The following LRRC4C variants were observed in gnomAD, a reference collection of about 807,000 sequenced individuals.
LRRC4C encodes the protein leucine-rich repeat-containing protein 4C.
LRRC4C carries 5 observed loss-of-function variants against 33.6 expected under a neutral mutation model. The ratio of observed to expected loss-of-function variants is 0.15; its 90% CI spans 0.08 to 0.31. LRRC4C has a LOEUF of 0.31. Ranked by LOEUF, LRRC4C falls within the 10% of genes least tolerant of loss-of-function variation. The pLI, the probability that LRRC4C is intolerant of heterozygous loss-of-function variation, is 1.00. For missense variants in LRRC4C, 560 were observed against 796.7 expected (o/e 0.70, Z 3.58); for synonymous variants, 329 against 302.0 (o/e 1.09, Z -0.93).
In LRRC4C at chr11:40,762,457, G is replaced by C. The variant is rs184481181; in HGVS notation, c.-406-114179C>G. ...TAATCCATTGTGTTATATTAATTTA[G>C]AGCACCTAGTGTGATAGCCATGATG... On this transcript the variant is annotated intron_variant, in intron 2 of 6. Coordinates refer to ENST00000528697, the MANE Select transcript of LRRC4C (RefSeq NM_001258419.2). 2.0e-5 allele frequency among the ~76,000 whole-genome samples: 3 copies of C among 152,170 alleles called. No homozygotes were observed. In the East Asian group the frequency reaches 5.8e-4, roughly 30 times the overall value.
intron 1 of LRRC4C, among the ~76,000 whole-genome samples, chr11:41,400,446 T>C (rs1281073001): frequency 6.6e-6 from 1 of 151,888 alleles, no homozygotes; most frequent in Non-Finnish European, 1.5e-5. Context: ...AACACAATTT[T>C]TAGAACAATT....
Position 40,151,355 on chromosome 11 carries a change from C to G in LRRC4C, c.-95-10502G>C, listed in dbSNP as rs970775682. Among the ~76,000 whole-genome samples the G allele has an allele frequency of 6.6e-5, 10 of 152,202 alleles. No homozygotes were observed. The East Asian group carries it at 1.7e-3, about 27-fold the overall frequency. ...AACACAAGTAACAAAGATTCAGAGCCCAATTATACAGCAATTCTTATCCCA... is the reference window on the plus strand; with the variant it reads ...AACACAAGTAACAAAGATTCAGAGCGCAATTATACAGCAATTCTTATCCCA... On this transcript the variant is annotated intron_variant, in intron 5 of 6. Coordinates refer to ENST00000528697, the MANE Select transcript of LRRC4C (RefSeq NM_001258419.2).
intron 5 of LRRC4C, among the ~76,000 whole-genome samples, chr11:40,163,861 G>T (rs995048654): frequency 6.6e-6 from 1 of 151,666 alleles, no homozygotes; most frequent in Non-Finnish European, 1.5e-5. Flanking sequence ...TTTTGCTTTT[G>T]CAAAAAATTG....
intron 1 of LRRC4C, among the ~76,000 whole-genome samples, chr11:41,411,163 T>TTTTTTTTTTTTTTTTTC (rs1954470032): frequency 1.0e-5 from 1 of 95,872 alleles, no homozygotes; most frequent in African/African-American, 3.6e-5. Flanking sequence ...TTTTTTTTTT[T>TTTTTTTTTTTTTTTTTC]TTTGAGATGG....
intron 1 of LRRC4C, among the ~76,000 whole-genome samples, chr11:40,944,357 C>T (rs1592150910): frequency 6.6e-6 from 1 of 152,156 alleles, no homozygotes. Context: ...TTTCTGACCT[C>T]TCCAGTGTAG....
At chr11:40,829,588 C>CTAT (rs1461304128) in intron 2 of LRRC4C, among the ~76,000 whole-genome samples, 5 of 151,998 alleles carry the variant, frequency 3.3e-5, no homozygotes, top group Admixed American at 6.6e-5. Context: ...AATTTAAAGG[C>CTAT]TATTCATTTT....
At chr11:40,497,910 A>G (rs1048177073) in intron 3 of LRRC4C, among the ~76,000 whole-genome samples, 3 of 152,230 alleles carry the variant, frequency 2.0e-5, no homozygotes, top group African/African-American at 7.2e-5. Flanking sequence ...TCTCTAAAAA[A>G]TAAATTTTGC....
At chr11:40,733,139 G>A (rs1467053990) in intron 2 of LRRC4C, among the ~76,000 whole-genome samples, 4 of 123,102 alleles carry the variant, frequency 3.2e-5, no homozygotes, top group Non-Finnish European at 6.3e-5. Flanking sequence ...AGCGTGGCGA[G>A]ATCTCGGCTC....
chr11:41,190,161 T>C (rs1420299487), intron 1 of LRRC4C, among the ~76,000 whole-genome samples: 2 of 152,204 alleles, frequency 1.3e-5, no homozygotes, highest in Admixed American at 6.5e-5. Context: ...CTAGCTTTTT[T>C]TTTCTGTAGA....
chr11:41,303,341 G>A (rs1489223015), intron 1 of LRRC4C, among the ~76,000 whole-genome samples: 2 of 116,686 alleles, frequency 1.7e-5, no homozygotes, highest in East Asian at 2.6e-4. Context: ...TGCCAACCTC[G>A]GCCTCCCGAG....
At chr11:41,268,380 T>C (rs921650415) in intron 1 of LRRC4C, among the ~76,000 whole-genome samples, 12 of 152,064 alleles carry the variant, frequency 7.9e-5, no homozygotes, top group African/African-American at 2.2e-4. Context: ...TACTGACCCA[T>C]AGAAATTGTG....
intron 1 of LRRC4C, among the ~76,000 whole-genome samples, chr11:41,135,387 G>T (rs1943213310): frequency 6.6e-6 from 1 of 152,070 alleles, no homozygotes; most frequent in Non-Finnish European, 1.5e-5. Context: ...AAAAAGACAG[G>T]CATTTGGGAG....
At chr11:41,015,852 T>G (rs1472990379) in intron 1 of LRRC4C, among the ~76,000 whole-genome samples, 3 of 151,926 alleles carry the variant, frequency 2.0e-5, no homozygotes, top group Non-Finnish European at 4.4e-5. Context: ...AAAAAAAAAT[T>G]TATCCGGGCG....
At chr11:41,315,961 C>G (rs1437757737) in intron 1 of LRRC4C, among the ~76,000 whole-genome samples, 1 of 152,044 alleles carries the variant, frequency 6.6e-6, no homozygotes, top group Non-Finnish European at 1.5e-5. Context: ...CGTTAATTTG[C>G]TGAATGCCTA....
chr11:40,804,354 T>C (rs1951161129), intron 2 of LRRC4C, among the ~76,000 whole-genome samples: 1 of 152,224 alleles, frequency 6.6e-6, no homozygotes, highest in Non-Finnish European at 1.5e-5. Context: ...TAAGAATATT[T>C]CTAGAGCCTT....
At chr11:41,282,979 AT>A (rs1209871913) in intron 1 of LRRC4C, among the ~76,000 whole-genome samples, 1 of 152,236 alleles carries the variant, frequency 6.6e-6, no homozygotes, top group Non-Finnish European at 1.5e-5. Flanking sequence ...TTTGACATGA[AT>A]AAAATTAGAA....
chr11:40,735,288 T>A (rs573466405), intron 2 of LRRC4C, among the ~76,000 whole-genome samples: 83 of 152,060 alleles, frequency 5.5e-4, no homozygotes, highest in Admixed American at 1.8e-3. Context: ...ATTAGGTATA[T>A]CTCCTAATGT....
chr11:40,177,408 T>G (rs1860598049), intron 5 of LRRC4C, among the ~76,000 whole-genome samples: 1 of 152,176 alleles, frequency 6.6e-6, no homozygotes, highest in African/African-American at 2.4e-5. Flanking sequence ...CTGAAGAGCT[T>G]ATATCATTGC....
chr11:40,744,733 A>C (rs1311424987), intron 2 of LRRC4C, among the ~76,000 whole-genome samples: 1 of 152,286 alleles, frequency 6.6e-6, no homozygotes, highest in Non-Finnish European at 1.5e-5. Flanking sequence ...ATAACTTTCC[A>C]AGGTTATATC....
Sources: allele counts gnomAD v4.1 joint callset (sites outside exome capture counted in the v4.1 genomes callset), GRCh38; gene constraint gnomAD v4.1.1; transcripts MANE v1.5; gene names NCBI Gene and HGNC (gene_info 2026-07-23, HGNC 2026-07-21).